The following HAL variants were observed in gnomAD, a reference collection of about 807,000 sequenced individuals.
HAL encodes the protein histidine ammonia-lyase, also known as histidase.
Under a neutral mutation model 81.1 loss-of-function variants are expected in HAL, and 85 were observed. That is an observed-to-expected ratio of 1.05 (90% confidence interval 0.88 to 1.25). HAL has a LOEUF of 1.25. Among genes scored for constraint, HAL ranks in the 50% most tolerant of loss-of-function variants. The pLI, the probability that HAL is intolerant of heterozygous loss-of-function variation, is 0.00. For missense variants in HAL, 798 were observed against 836.6 expected, an observed-to-expected ratio of 0.95 and a Z score of 0.57; for synonymous variants, 301 against 309.2, an observed-to-expected ratio of 0.97 and a Z score of 0.28.
intron 11 of HAL, 103 bp from the exon 12 acceptor site, chr12:95,987,317 T>C (rs536543336): frequency 2.2e-6 from 2 of 920,130 alleles, no homozygotes; most frequent in Admixed American, 3.4e-5. Context: ...AATTAGCCAG[T>C]CATAAACATA....
At chr12:95,991,119 T>G (rs1157280422) in intron 9 of HAL, among the ~76,000 whole-genome samples, 1 of 151,986 alleles carries the variant, frequency 6.6e-6, no homozygotes, top group Non-Finnish European at 1.5e-5. Flanking sequence ...CCTAAATAAA[T>G]AAGAAGAAGG....
chr12:95,996,271 T>C lies in HAL; in HGVS notation c.-275A>G. 1 of 313,712 alleles carries C rather than the reference T, an allele frequency of 3.2e-6. No homozygotes were observed. The highest frequency in any genetic ancestry group is 6.2e-6 in the Non-Finnish European group (1 of 160,862). 19.4% of individuals were successfully genotyped at this position (313,712 alleles called of 1,614,324 possible). ...CTTTCTTCAGGGTCCCCAATTTCTC[T>C]CTCTTCCCTCGTTTCTGTCTGTGTT... On this transcript the variant is annotated 5_prime_UTR_variant, in exon 1 of 21. Coordinates refer to ENST00000261208, the MANE Select transcript of HAL (RefSeq NM_002108.4).
At position 95,983,968 on chromosome 12, in the gene HAL, T is replaced by G. The variant is rs1949845564; in HGVS notation, c.1230A>C (p.Thr410=). Residue 410 remains threonine (T), a synonymous_variant, in exon 15 of 21, where the codon ACA becomes ACC. Transcript: ENST00000261208. Reference sequence around the variant, plus strand: ...TAATGATGTTCTTCACAAATGCTATTGTATCATTCACCACACCATGGACCT... The same window carrying G: ...TAATGATGTTCTTCACAAATGCTATGGTATCATTCACCACACCATGGACCT... The part of the protein sequence containing the change: ...CPQVHGVVND[T]IAFVKNIITT... 5 of 1,579,510 alleles carry G rather than the reference T, an allele frequency of 3.2e-6. No homozygotes were observed. The highest frequency in any genetic ancestry group is 4.4e-6 in the Non-Finnish European group (5 of 1,149,254).
At position 95,983,915 on chromosome 12, in the gene HAL, T is replaced by G. The variant is rs1382763887; in HGVS notation, c.1283A>C (p.Asn428Thr). ...TAGTATACAATCAAAAGATACAGGA[T>G]TATCTGTTGCGCTGTTCAGTTCTGT... ...ITTELNSATD[N>T]PMVFANRGET... Residue 428 changes from asparagine to threonine, a missense_variant, in exon 15 of 21, where the codon AAT (asparagine) becomes ACT (threonine). Asn to Thr is a moderately conservative substitution (Grantham distance 65). Coordinates refer to ENST00000261208, the MANE Select transcript of HAL (RefSeq NM_002108.4). The G allele has an allele frequency of 6.7e-7, 1 of 1,497,894 alleles. No individual in the cohort carries two copies. Among genetic ancestry groups the G allele is most frequent in the Admixed American group, 1.7e-5 (1 of 59,868 alleles). 92.8% of individuals were successfully genotyped at this position (1,497,894 alleles called of 1,614,324 possible).
At chr12:95,983,392 TAAAC>T (rs2080816154) in intron 15 of HAL, among the ~76,000 whole-genome samples, 1 of 131,574 alleles carries the variant, frequency 7.6e-6, no homozygotes, top group South Asian at 2.2e-4. Flanking sequence ...CGTCTAAAAA[TAAAC>T]AAAAAAAAAA....
In HAL at chr12:95,972,849, G is replaced by T. The variant is rs551123231; in HGVS notation, c.*1383C>A. On this transcript the variant is annotated 3_prime_UTR_variant, in exon 21 of 21. Coordinates refer to ENST00000261208, the MANE Select transcript of HAL (RefSeq NM_002108.4). ...GAAGAGCACCATGAGACCACTGGGGGTTACTGGCTCAATGGCAGCCCACGG... is the reference window on the plus strand; with the variant it reads ...GAAGAGCACCATGAGACCACTGGGGTTTACTGGCTCAATGGCAGCCCACGG... 6.6e-6 allele frequency: 1 copy of T among 152,280 alleles called. No homozygotes were observed. The highest frequency in any genetic ancestry group is 2.1e-4 in the South Asian group (1 of 4,818). The allele number at this position is 152,280 out of a possible 1,614,324, so 9.4% of individuals were successfully genotyped here.
In HAL at chr12:95,974,072, C is replaced by G; in HGVS notation, c.*160G>C. The G allele has an allele frequency of 1.3e-6, 1 of 745,298 alleles. No individual in the cohort carries two copies. Among genetic ancestry groups the G allele is most frequent in the Non-Finnish European group, 2.4e-6 (1 of 410,688 alleles). 46.2% of individuals were successfully genotyped at this position (745,298 alleles called of 1,614,324 possible). On this transcript the variant is annotated 3_prime_UTR_variant, in exon 21 of 21. Transcript: ENST00000261208. ...AGGAACACAGTGCTGAATTTAGCAA[C>G]TATAATACTGCCATCAGCCTAACCA...
intron 15 of HAL, chr12:95,983,626 T>G (rs970136737): frequency 1.5e-5 from 7 of 465,270 alleles, no homozygotes; most frequent in African/African-American, 1.4e-4. Flanking sequence ...TCAGGAAACA[T>G]GTCAGCCAAT....
chr12:95,992,769 A>T lies in HAL; in HGVS notation c.626T>A (p.Met209Lys), dbSNP rs1331818861. Residue 209 changes from methionine to lysine, a missense_variant, in exon 9 of 21, where the codon ATG (methionine) becomes AAG (lysine). By Grantham distance (95) the Met-to-Lys change is moderately conservative. Coordinates refer to ENST00000261208, the MANE Select transcript of HAL (RefSeq NM_002108.4). ...GACATTGATCCTTAAAGCCAAGAGC[A>T]TCCGACACCTCTCAGGACTTAGTGG... ...GKPLSPERCR[M>K]LLALRINVLA... 6.2e-7 allele frequency: 1 copy of T among 1,612,852 alleles called. No homozygotes were observed. Among genetic ancestry groups the T allele is most frequent in the South Asian group, 1.1e-5 (1 of 91,066 alleles).
rs143254310 is a variant in HAL at position 95,996,103 on chromosome 12, C to T, written c.-107G>A. On this transcript the variant is annotated 5_prime_UTR_variant, in exon 1 of 21. Transcript: ENST00000261208. ...CTGCTGTCCCTTTGGTTTTTGTAGC[C>T]GAGCAGGGGCAGGAGCAGGGGATGC... 80 of 625,604 alleles carry T rather than the reference C, an allele frequency of 1.3e-4. No homozygotes were observed. Among genetic ancestry groups the T allele is most frequent in the African/African-American group, 1.2e-3 (67 of 55,474 alleles). The allele number at this position is 625,604 out of a possible 1,614,324, so 38.8% of individuals were successfully genotyped here.
At position 95,995,123 on chromosome 12, in the gene HAL, G is replaced by A. The variant is rs982218901; in HGVS notation, c.248-130C>T. Reference sequence around the variant, plus strand: ...TGGCTGCTTTAAAACTGCTTCAGATGGTTTCATGTGGTCTTAGCATCTTTA... The same window carrying A: ...TGGCTGCTTTAAAACTGCTTCAGATAGTTTCATGTGGTCTTAGCATCTTTA... On this transcript the variant is annotated intron_variant, in intron 2 of 20. Transcript: ENST00000261208. 6.7e-6 allele frequency: 5 copies of A among 746,882 alleles called. No homozygotes were observed. The Admixed American group carries it at 7.8e-5, about 12-fold the overall frequency. The allele number at this position is 746,882 out of a possible 1,614,324, so 46.3% of individuals were successfully genotyped here. A position where few individuals can be genotyped will look rare whatever the true frequency, so the allele number is the denominator to read the frequency against.
rs147706824 is a variant in HAL, at chr12:95,980,661, C to T, written c.1414G>A (p.Glu472Lys). The T allele has an allele frequency of 6.3e-5, 102 of 1,613,848 alleles. No homozygotes were observed. The highest frequency in any genetic ancestry group is 7.7e-5 in the Non-Finnish European group (91 of 1,179,850). ...ELAAISERRI[E>K]RLCNPSLSEL... is the part of the protein sequence containing the mutation. ...CTGAGGGAGGGATTGCAGAGCCGCTCGATTCTTCTCTCACTGATTGCAGCA... is the reference window on the plus strand; with the variant it reads ...CTGAGGGAGGGATTGCAGAGCCGCTTGATTCTTCTCTCACTGATTGCAGCA... The change falls in exon 17 of 21, where the codon GAG (glutamate) becomes AAG (lysine). Residue 472 changes from glutamate to lysine, a missense_variant. Coordinates refer to ENST00000261208, the MANE Select transcript of HAL (RefSeq NM_002108.4).
chr12:95,988,316 A>T lies in HAL; in HGVS notation c.856-76T>A. ...TATTTCCAATATCATATGGAATCCAATAATAGCTCTTTATGCCCAAAAGTC... is the reference window on the plus strand; with the variant it reads ...TATTTCCAATATCATATGGAATCCATTAATAGCTCTTTATGCCCAAAAGTC... On this transcript the variant is annotated intron_variant, in intron 10 of 20. Coordinates refer to ENST00000261208, the MANE Select transcript of HAL (RefSeq NM_002108.4). 4 of 809,468 alleles carry T rather than the reference A, an allele frequency of 4.9e-6. No homozygotes were observed. The East Asian group carries it at 9.7e-5, about 20-fold the overall frequency. 50.1% of individuals were successfully genotyped at this position (809,468 alleles called of 1,614,324 possible). A position where few individuals can be genotyped will look rare whatever the true frequency, so the allele number is the denominator to read the frequency against.
chr12:95,983,663 A>G (rs1266936598), intron 15 of HAL: 4 of 553,486 alleles, frequency 7.2e-6, no homozygotes, highest in Non-Finnish European at 1.3e-5. Flanking sequence ...TAAATCTTGA[A>G]TAGGTCCATT....
intron 11 of HAL, 103 bp downstream of exon 11, chr12:95,988,090 G>A (rs763333905): frequency 1.3e-6 from 1 of 754,866 alleles, no homozygotes; most frequent in Non-Finnish European, 2.4e-6. Context: ...AAGCAAACAT[G>A]CAAGTTGCAT....
rs769152394 is a variant in HAL, at chr12:95,974,330, C to T, written c.1876G>A (p.Glu626Lys). ...AAPYIEKYRM[E>K]HIPESRPLSP... Reference sequence around the variant, plus strand: ...AGAGGTCTTGATTCTGGAATATGCTCCATTCTGTATTTTTCAATGTATGGA... The same window carrying T: ...AGAGGTCTTGATTCTGGAATATGCTTCATTCTGTATTTTTCAATGTATGGA... The change falls in exon 21 of 21, where the codon GAG becomes AAG. Residue 626 changes from glutamate (E) to lysine (K), a missense_variant. Physicochemically the swap from Glu to Lys is moderately conservative, Grantham distance 56. Transcript: ENST00000261208. The T allele has an allele frequency of 3.7e-6, 6 of 1,612,796 alleles. No homozygotes were observed. Among genetic ancestry groups the T allele is most frequent in the Non-Finnish European group, 4.2e-6 (5 of 1,178,808 alleles).
intron 14 of HAL, among the ~76,000 whole-genome samples, chr12:95,984,303 T>C (rs1949850056): frequency 6.6e-6 from 1 of 152,358 alleles, no homozygotes; most frequent in South Asian, 2.1e-4. Flanking sequence ...AGGTTAGTGG[T>C]AGGACTTGGG....
At chr12:95,994,034 G>T in intron 5 of HAL, 36 bp from the exon 6 acceptor site, 1 of 1,597,004 alleles carries the variant, frequency 6.3e-7, no homozygotes, top group Non-Finnish European at 8.6e-7. Context: ...GCACGTTAAA[G>T]ACTTCCACGG....
chr12:95,986,102 T>A lies in HAL; in HGVS notation c.1110A>T (p.Ser370=). The part of the protein sequence containing the change: ...GQIEVAFRFR[S]LLDSDHHPSE... ...ATGGGTGGTGATCTGAGTCCAAGAGTGACCGAAACCGAAAAGCAACTTCAA... is the reference window on the plus strand; with the variant it reads ...ATGGGTGGTGATCTGAGTCCAAGAGAGACCGAAACCGAAAAGCAACTTCAA... Residue 370 remains serine, a synonymous_variant, in exon 13 of 21, where the codon TCA becomes TCT. Transcript: ENST00000261208. 3 of 1,613,338 alleles carry A rather than the reference T, an allele frequency of 1.9e-6. No homozygotes were observed. The highest frequency in any genetic ancestry group is 2.5e-6 in the Non-Finnish European group (3 of 1,179,242).
Sources: allele counts gnomAD v4.1 joint callset (sites outside exome capture counted in the v4.1 genomes callset), GRCh38; gene constraint gnomAD v4.1.1; transcripts MANE v1.5; gene names NCBI Gene and HGNC (gene_info 2026-07-23, HGNC 2026-07-21).